Variants in LPCAT3 observed in about 807,000 individuals in gnomAD.
LPCAT3 encodes lysophospholipid acyltransferase 5.
In LPCAT3, 21 loss-of-function variants were observed where a neutral mutation model predicts 63.4. That is an observed-to-expected ratio of 0.33 (90% confidence interval 0.23 to 0.48). LPCAT3 has a LOEUF of 0.48. LPCAT3 is among the 20% of genes least tolerant of loss of function. The probability of loss-of-function intolerance (pLI) is 0.99; values close to 1 mark genes in which losing one functional copy is unlikely to be tolerated. For missense variants in LPCAT3, 451 were observed against 590.6 expected, an observed-to-expected ratio of 0.76 and a Z score of 2.45; for synonymous variants, 242 against 227.5, an observed-to-expected ratio of 1.06 and a Z score of -0.58.
chr12:6,986,529 A>C (rs1946527460), intron 1 of LPCAT3, among the ~76,000 whole-genome samples: 1 of 152,124 alleles, frequency 6.6e-6, no homozygotes, highest in Admixed American at 6.5e-5. Context: ...TCATGCCTGT[A>C]ATCTCAGCAC....
At chr12:7,002,267 G>C (rs912203103) in intron 1 of LPCAT3, among the ~76,000 whole-genome samples, 27 of 152,202 alleles carry the variant, frequency 1.8e-4, no homozygotes, top group Middle Eastern at 3.4e-3. Context: ...ATGCTTATGG[G>C]ATTGTACACT....
chr12:6,991,758 T>C (rs1946591988), intron 1 of LPCAT3, among the ~76,000 whole-genome samples: 1 of 152,178 alleles, frequency 6.6e-6, no homozygotes, highest in African/African-American at 2.4e-5. Context: ...GTAAAAATGG[T>C]GGTCGGTGAA....
chr12:6,984,205 C>T (rs1250866405), intron 1 of LPCAT3, among the ~76,000 whole-genome samples: 1 of 152,170 alleles, frequency 6.6e-6, no homozygotes, highest in Admixed American at 6.5e-5. Context: ...GTTATAAAAT[C>T]CATTTAAGTA....
intron 2 of LPCAT3, chr12:6,983,160 C>G: frequency 2.1e-6 from 1 of 465,414 alleles, no homozygotes; most frequent in Admixed American, 3.4e-5. Flanking sequence ...CTCGGTCATT[C>G]AGTTACATCC....
chr12:7,015,824 A>T (rs936845962), intron 1 of LPCAT3, among the ~76,000 whole-genome samples: 2 of 152,122 alleles, frequency 1.3e-5, no homozygotes, highest in Non-Finnish European at 2.9e-5. Flanking sequence ...ATGAGAGAAG[A>T]GGAGTGGGAT....
rs114876293 is a variant in LPCAT3, at chr12:6,980,828, G to A, written c.677+176C>T. The stretch of plus-strand genomic sequence containing the variant: ...CTAGTGTTAGAATGGATAACTGGAA[G>A]AACCCTAAACTAAAAAGGGCCCACT... On this transcript the variant is annotated intron_variant, in intron 6 of 12. Transcript: ENST00000261407. 3.7e-3 allele frequency: 1,824 copies of A among 492,132 alleles called. 19 individuals carry two copies. The highest frequency in any genetic ancestry group is 0.033 in the African/African-American group (1,642 of 50,438). The allele number at this position is 492,132 out of a possible 1,614,324, so 30.5% of individuals were successfully genotyped here. A position where few individuals can be genotyped will look rare whatever the true frequency, so the allele number is the denominator to read the frequency against.
chr12:7,000,966 C>CA (rs1277590363), intron 1 of LPCAT3, among the ~76,000 whole-genome samples: 3 of 152,144 alleles, frequency 2.0e-5, no homozygotes, highest in Non-Finnish European at 4.4e-5. Context: ...CTCAGCCTCC[C>CA]AAAGTGCTGG....
intron 1 of LPCAT3, among the ~76,000 whole-genome samples, chr12:6,994,467 C>T (rs1946619010): frequency 6.6e-6 from 1 of 152,084 alleles, no homozygotes. Context: ...CTTGGCGTCC[C>T]AAAGTGCTGG....
chr12:6,979,969 T>C (rs1946452928), intron 6 of LPCAT3: 1 of 175,018 alleles, frequency 5.7e-6, no homozygotes, highest in Non-Finnish European at 1.2e-5. Flanking sequence ...GAATTGATGC[T>C]GAAACACAGG....
chr12:6,983,102 T>C, intron 2 of LPCAT3: 1 of 509,246 alleles, frequency 2.0e-6, no homozygotes, highest in Non-Finnish European at 3.6e-6. Flanking sequence ...TGTTACTGTA[T>C]TTTTGAATGT....
At chr12:7,003,981 GATTCCCA>G (rs1591556343) in intron 1 of LPCAT3, among the ~76,000 whole-genome samples, 1 of 148,612 alleles carries the variant, frequency 6.7e-6, no homozygotes, top group Non-Finnish European at 1.5e-5. Context: ...TAAAAATGCA[GATTCCCA>G]ATTCCTGAAG....
chr12:7,001,633 G>A, intron 1 of LPCAT3: 1 of 403,188 alleles, frequency 2.5e-6, no homozygotes, highest in South Asian at 1.7e-5. Context: ...AGAGTTGGCT[G>A]GGATGTGAGG....
chr12:6,996,429 T>C (rs1317886752), intron 1 of LPCAT3, among the ~76,000 whole-genome samples: 1 of 152,222 alleles, frequency 6.6e-6, no homozygotes, highest in Non-Finnish European at 1.5e-5. Context: ...TTTCTATTTT[T>C]CTTCTCAGTA....
At chr12:6,982,571 G>A (rs1433872074) in intron 3 of LPCAT3, 105 bp downstream of exon 3, 6 of 800,480 alleles carry the variant, frequency 7.5e-6, no homozygotes, top group Non-Finnish European at 1.3e-5. Flanking sequence ...TGGGAGAGGG[G>A]TTAGAAATTA....
chr12:6,991,807 G>A (rs952801562), intron 1 of LPCAT3, among the ~76,000 whole-genome samples: 2 of 152,082 alleles, frequency 1.3e-5, no homozygotes, highest in Non-Finnish European at 2.9e-5. Context: ...TTGAATAATC[G>A]CCCAAATGCT....
In LPCAT3 at chr12:6,983,477, G is replaced by A. The variant is rs781806022; in HGVS notation, c.214C>T (p.Leu72Phe). 4.1e-5 allele frequency: 66 copies of A among 1,613,016 alleles called. No individual in the cohort carries two copies. Among genetic ancestry groups the A allele is most frequent in the Non-Finnish European group, 5.2e-5 (61 of 1,179,208 alleles). ...LFYKETYLIH[L>F]FHTFTGLSIA... ...GAGAGGCCTGTAAAGGTATGGAAGA[G>A]GTGGATGAGGTAGGTCTCCTTGTAG... Residue 72 changes from leucine (L) to phenylalanine (F), a missense_variant, in exon 2 of 13, where the codon CTC becomes TTC. This residue lies in a region of LPCAT3 where 133 missense variants were observed against 152.1 expected (regional missense o/e 0.87). Transcript: ENST00000261407.
In LPCAT3 at chr12:6,987,887, G is replaced by A. The variant is rs1946543962; in HGVS notation, c.152-4348C>T. 5.0e-6 allele frequency: 2 copies of A among 400,508 alleles called. No individual in the cohort carries two copies. The highest frequency in any genetic ancestry group is 4.4e-5 in the Admixed American group (1 of 22,712). 24.8% of individuals were successfully genotyped at this position (400,508 alleles called of 1,614,324 possible). On this transcript the variant is annotated intron_variant, in intron 1 of 12. Coordinates refer to ENST00000261407, the MANE Select transcript of LPCAT3 (RefSeq NM_005768.6). This position sits in a 1 kb window ranked among gnomAD's most constrained non-coding sequence, Gnocchi z 4.1. ...TCTAACAAGGCCTACACTGTCCTGA[G>A]TTCTGAGTTCTTGTGTCCACTTCTT...
intron 1 of LPCAT3, among the ~76,000 whole-genome samples, chr12:7,007,632 T>C (rs782435142): frequency 2.6e-5 from 4 of 151,232 alleles, no homozygotes; most frequent in Admixed American, 1.3e-4. Flanking sequence ...GTAGCTGGGA[T>C]TACAGGCGTG....
rs1946535811 is a variant in LPCAT3, at chr12:6,987,073, A to T, written c.152-3534T>A. ...GGTGGCAGTGAGCTGAGATCACGCC[A>T]TTGCACTCCAGCTTGGGCAACGAGC... On this transcript the variant is annotated intron_variant, in intron 1 of 12. Coordinates refer to ENST00000261407, the MANE Select transcript of LPCAT3 (RefSeq NM_005768.6). The surrounding 1 kb of genome is among the most constrained non-coding windows in gnomAD (Gnocchi z 4.1). Among the ~76,000 whole-genome samples the T allele has an allele frequency of 6.6e-6, 1 of 151,904 alleles. No individual in the cohort carries two copies. Among genetic ancestry groups the T allele is most frequent in the Non-Finnish European group, 1.5e-5 (1 of 68,010 alleles).
Sources: allele counts gnomAD v4.1 joint callset (sites outside exome capture counted in the v4.1 genomes callset), GRCh38; gene constraint gnomAD v4.1.1; regional missense constraint gnomAD v4.1.1; non-coding constraint Gnocchi (gnomAD v3.1); transcripts MANE v1.5; gene names NCBI Gene and HGNC (gene_info 2026-07-23, HGNC 2026-07-21).